The following KCNQ5 variants were observed in gnomAD, a reference collection of about 807,000 sequenced individuals.
KCNQ5 encodes potassium voltage-gated channel subfamily KQT member 5.
Under a neutral mutation model 98.2 loss-of-function variants are expected in KCNQ5, and 30 were observed. The ratio of observed to expected loss-of-function variants is 0.31; its 90% confidence interval spans 0.23 to 0.41. The LOEUF is 0.41. KCNQ5 is among the 10% of genes least tolerant of loss of function. The pLI, the probability that KCNQ5 is intolerant of heterozygous loss-of-function variation, is 1.00. For missense variants in KCNQ5, 835 were observed against 1,182.5 expected, an observed-to-expected ratio of 0.71 and a Z score of 4.31; for synonymous variants, 458 against 449.4, an observed-to-expected ratio of 1.02 and a Z score of -0.24.
intron 1 of KCNQ5, among the ~76,000 whole-genome samples, chr6:72,718,728 C>T (rs1769793273): frequency 6.6e-6 from 1 of 152,048 alleles, no homozygotes; most frequent in Non-Finnish European, 1.5e-5. Flanking sequence ...GGATTAGAGG[C>T]GTGAGCCACC....
intron 1 of KCNQ5, among the ~76,000 whole-genome samples, chr6:72,904,714 G>A (rs1779632229): frequency 6.6e-6 from 1 of 152,164 alleles, no homozygotes; most frequent in Non-Finnish European, 1.5e-5. Flanking sequence ...TAGCTTGTAG[G>A]ATTTCTGCTT....
intron 1 of KCNQ5, among the ~76,000 whole-genome samples, chr6:72,970,334 G>C (rs1191703229): frequency 1.3e-5 from 2 of 152,086 alleles, no homozygotes; most frequent in East Asian, 3.8e-4. Flanking sequence ...TATGATTACA[G>C]ATCAAAATAA....
chr6:73,137,112 A>T (rs527506018), intron 10 of KCNQ5, among the ~76,000 whole-genome samples: 1 of 152,342 alleles, frequency 6.6e-6, no homozygotes, highest in South Asian at 2.1e-4. Context: ...AGAAAAAAAA[A>T]ATATTCAGGG....
intron 10 of KCNQ5, among the ~76,000 whole-genome samples, chr6:73,155,400 A>T (rs910251956): frequency 1.3e-5 from 2 of 152,208 alleles, no homozygotes; most frequent in Non-Finnish European, 2.9e-5. Context: ...CCAGCCAAAC[A>T]AATAAGAAAA....
intron 1 of KCNQ5, among the ~76,000 whole-genome samples, chr6:72,624,142 A>G (rs1283948526): frequency 1.3e-5 from 2 of 152,238 alleles, no homozygotes; most frequent in Non-Finnish European, 2.9e-5. Flanking sequence ...TATAACTTTT[A>G]TGTAAAATTC....
intron 5 of KCNQ5, among the ~76,000 whole-genome samples, chr6:73,092,653 C>T (rs896805854): frequency 2.6e-5 from 4 of 152,054 alleles, no homozygotes; most frequent in Admixed American, 6.6e-5. Context: ...GCTTTTTCTG[C>T]GTCTATTGAG....
chr6:73,045,836 T>A (rs1208529546), intron 3 of KCNQ5, among the ~76,000 whole-genome samples: 1 of 152,204 alleles, frequency 6.6e-6, no homozygotes, highest in Non-Finnish European at 1.5e-5. Flanking sequence ...CAGGGCCATA[T>A]TTTTCAGTCT....
At chr6:73,070,636 C>A (rs1773261007) in intron 3 of KCNQ5, among the ~76,000 whole-genome samples, 1 of 152,202 alleles carries the variant, frequency 6.6e-6, no homozygotes, top group African/African-American at 2.4e-5. Flanking sequence ...CACATGGTTT[C>A]TAAGGGCATT....
At chr6:72,984,957 A>C (rs191203750) in intron 1 of KCNQ5, among the ~76,000 whole-genome samples, 1 of 151,846 alleles carries the variant, frequency 6.6e-6, no homozygotes. Flanking sequence ...CTGTAACCCC[A>C]GCACTTTGTG....
At chr6:72,733,614 C>G (rs983656581) in intron 1 of KCNQ5, among the ~76,000 whole-genome samples, 1 of 152,172 alleles carries the variant, frequency 6.6e-6, no homozygotes, top group Non-Finnish European at 1.5e-5. Flanking sequence ...GATGCTGAAG[C>G]AAGTTTCTGA....
In KCNQ5 at chr6:72,848,684, G is replaced by GACTCC. The variant is rs768305342; in HGVS notation, c.399-155215_399-155211dup. 8.4e-4 allele frequency among the ~76,000 whole-genome samples: 128 copies of GACTCC among 152,144 alleles called. 1 individual carries two copies. The highest frequency in any genetic ancestry group is 6.8e-3 in the Middle Eastern group (2 of 294). ...TTGACAAGATTAAACATATCCACAT[G>GACTCC]ACTCCACTCCACTATGAAGCCATGT... On this transcript the variant is annotated intron_variant, in intron 1 of 13. Coordinates refer to ENST00000370398, the MANE Select transcript of KCNQ5 (RefSeq NM_019842.4).
At chr6:72,917,471 T>TTTATG (rs1244578442) in intron 1 of KCNQ5, among the ~76,000 whole-genome samples, 1 of 151,260 alleles carries the variant, frequency 6.6e-6, no homozygotes, top group Non-Finnish European at 1.5e-5. Context: ...TTTATTTTAT[T>TTTATG]TTATTTTATT....
intron 1 of KCNQ5, among the ~76,000 whole-genome samples, chr6:72,969,110 G>A (rs920967208): frequency 6.6e-6 from 1 of 152,108 alleles, no homozygotes; most frequent in Non-Finnish European, 1.5e-5. Context: ...TTTTAAAAGT[G>A]GCAAATTCAG....
chr6:73,025,577 T>G (rs1437734802), intron 2 of KCNQ5, among the ~76,000 whole-genome samples: 1 of 143,028 alleles, frequency 7.0e-6, no homozygotes. Context: ...GAGCCGAGAT[T>G]GCACCACTGT....
chr6:73,003,266 C>T (rs1158596796), intron 1 of KCNQ5, among the ~76,000 whole-genome samples: 2 of 152,062 alleles, frequency 1.3e-5, no homozygotes, highest in Non-Finnish European at 2.9e-5. Flanking sequence ...TATGAATAGA[C>T]AGAGCTGAGA....
chr6:73,157,657 T>G, intron 10 of KCNQ5: 1 of 775,830 alleles, frequency 1.3e-6, no homozygotes, highest in Admixed American at 1.7e-5. Flanking sequence ...GGGTCAGCTC[T>G]GTGGTGTACA....
intron 1 of KCNQ5, among the ~76,000 whole-genome samples, chr6:72,748,877 A>C (rs1236373211): frequency 6.6e-6 from 1 of 152,110 alleles, no homozygotes. Flanking sequence ...GAGAAAACAA[A>C]TGTTTTTCCT....
At chr6:72,941,711 TC>T (rs1766320247) in intron 1 of KCNQ5, among the ~76,000 whole-genome samples, 1 of 29,420 alleles carries the variant, frequency 3.4e-5, no homozygotes, top group East Asian at 3.0e-3. Flanking sequence ...TTTCTTTCTT[TC>T]TTTCTTTCTT....
chr6:72,645,822 G>A (rs1224725111), intron 1 of KCNQ5, among the ~76,000 whole-genome samples: 1 of 152,136 alleles, frequency 6.6e-6, no homozygotes, highest in Non-Finnish European at 1.5e-5. Context: ...ATTGGAAAAG[G>A]TTTTAATTTT....
Sources: allele counts gnomAD v4.1 joint callset (sites outside exome capture counted in the v4.1 genomes callset), GRCh38; gene constraint gnomAD v4.1.1; transcripts MANE v1.5; gene names NCBI Gene and HGNC (gene_info 2026-07-23, HGNC 2026-07-21).